Variants in PDZD2 observed in about 807,000 individuals in gnomAD.
PDZD2 encodes the protein PDZ domain-containing protein 2.
PDZD2 carries 90 observed loss-of-function variants against 220.7 expected under a neutral mutation model. That is an observed-to-expected ratio of 0.41 (90% CI 0.34 to 0.49). PDZD2 has a LOEUF of 0.49. Ranked by LOEUF, PDZD2 falls within the 20% of genes least tolerant of loss-of-function variation. PDZD2 has a pLI of 0.28. For synonymous variants in PDZD2, 1,375 were observed against 1,450.5 expected, an observed-to-expected ratio of 0.95 and a Z score of 1.18; for missense variants, 3,174 against 3,608.5, an observed-to-expected ratio of 0.88 and a Z score of 3.08.
At chr5:31,831,059 T>C (rs1756554569) in intron 2 of PDZD2, among the ~76,000 whole-genome samples, 1 of 152,248 alleles carries the variant, frequency 6.6e-6, no homozygotes. Context: ...CAGAGATCAT[T>C]ACCTGGTAGA....
chr5:32,000,701 G>C lies in PDZD2; in HGVS notation c.1254+430G>C, dbSNP rs1752038110. Among the ~76,000 whole-genome samples, 2 of 152,050 alleles carry C rather than the reference G, an allele frequency of 1.3e-5. No homozygotes were observed. Among genetic ancestry groups the C allele is most frequent in the African/African-American group, 4.8e-5 (2 of 41,402 alleles). On this transcript the variant is annotated intron_variant, in intron 5 of 24. Coordinates refer to ENST00000438447, the MANE Select transcript of PDZD2 (RefSeq NM_178140.4). This position sits in a 1 kb window ranked among gnomAD's most constrained non-coding sequence, Gnocchi z 4.5. ...AATTTTGTATTTTTTATAGAGATGG[G>C]GTTTCTCCATGTTGGTCAGGCTGGT...
At chr5:32,011,658 C>T in intron 6 of PDZD2, among the ~76,000 whole-genome samples, 1 of 152,156 alleles carries the variant, frequency 6.6e-6, no homozygotes, top group Non-Finnish European at 1.5e-5. Flanking sequence ...GCCCCTTCCT[C>T]CTTCCCACTC....
intron 21 of PDZD2, among the ~76,000 whole-genome samples, chr5:32,096,467 G>A (rs147804491): frequency 0.022 from 3,359 of 152,166 alleles, 135 homozygotes; most frequent in African/African-American, 0.077. Flanking sequence ...ACAGGTGTCC[G>A]CCACCACGCC....
intron 2 of PDZD2, among the ~76,000 whole-genome samples, chr5:31,833,665 A>G (rs1322126459): frequency 1.3e-5 from 2 of 151,206 alleles, no homozygotes; most frequent in African/African-American, 4.9e-5. Context: ...AGAAAAGAAA[A>G]AAGAAACAAA....
At chr5:31,721,801 T>G (rs1281260393) in intron 1 of PDZD2, among the ~76,000 whole-genome samples, 2 of 151,908 alleles carry the variant, frequency 1.3e-5, no homozygotes, top group East Asian at 3.9e-4. Flanking sequence ...AAATATTTAT[T>G]AATAATGAGG....
intron 19 of PDZD2, among the ~76,000 whole-genome samples, chr5:32,085,688 C>T (rs944723384): frequency 2.0e-5 from 3 of 151,610 alleles, no homozygotes; most frequent in Non-Finnish European, 4.4e-5. Flanking sequence ...CTCAGGTGAT[C>T]CACCCGCCTT....
chr5:31,903,945 A>G (rs1334780278), intron 2 of PDZD2, among the ~76,000 whole-genome samples: 1 of 151,734 alleles, frequency 6.6e-6, no homozygotes, highest in East Asian at 1.9e-4. Context: ...GCTGGTCTCT[A>G]ACTCCTGACC....
Position 32,089,577 on chromosome 5 carries a change from C to T in PDZD2, c.6129C>T (p.Asn2043=), listed in dbSNP as rs140879154. ...SGPVSPAASR[N]GMSVAGNRQS... is the part of the protein sequence containing the mutation. The stretch of plus-strand genomic sequence containing the variant: ...CGGTGAGTCCGGCAGCGTCTAGGAA[C>T]GGCATGTCCGTGGCAGGGAACAGAC... Residue 2043 remains asparagine (N), a synonymous_variant, in exon 20 of 25, where the codon AAC becomes AAT. Coordinates refer to ENST00000438447, the MANE Select transcript of PDZD2 (RefSeq NM_178140.4). The T allele has an allele frequency of 2.6e-5, 42 of 1,612,326 alleles. No individual in the cohort carries two copies. Among genetic ancestry groups the T allele is most frequent in the African/African-American group, 1.9e-4 (14 of 74,938 alleles).
chr5:31,898,123 C>T (rs944357359), intron 2 of PDZD2, among the ~76,000 whole-genome samples: 1 of 152,190 alleles, frequency 6.6e-6, no homozygotes, highest in Non-Finnish European at 1.5e-5. Flanking sequence ...ATATTACAGG[C>T]ATTTTGTTTA....
At chr5:31,678,777 T>C (rs1746542647) in intron 1 of PDZD2, among the ~76,000 whole-genome samples, 1 of 152,062 alleles carries the variant, frequency 6.6e-6, no homozygotes, top group African/African-American at 2.4e-5. Context: ...TGGCTAATTT[T>C]TGTATTTTTT....
intron 2 of PDZD2, among the ~76,000 whole-genome samples, chr5:31,924,348 C>T (rs544411019): frequency 6.6e-6 from 1 of 152,308 alleles, no homozygotes; most frequent in South Asian, 2.1e-4. Context: ...TCTCCAGGTA[C>T]AGCTACTGTG....
At chr5:31,890,842 C>A (rs747679442) in intron 2 of PDZD2, among the ~76,000 whole-genome samples, 6 of 152,148 alleles carry the variant, frequency 3.9e-5, no homozygotes, top group Non-Finnish European at 8.8e-5. Context: ...TTGCATGGCC[C>A]TGTCTGTGGC....
chr5:31,752,088 T>TTTTTTTTTTTTTTTTTTTTTTA (rs1561431820), intron 1 of PDZD2, among the ~76,000 whole-genome samples: 1 of 141,022 alleles, frequency 7.1e-6, no homozygotes, highest in South Asian at 2.3e-4. Flanking sequence ...TTTTTTTTTT[T>TTTTTTTTTTTTTTTTTTTTTTA]TTCTGAGACA....
At chr5:31,930,947 G>A (rs1182548204) in intron 2 of PDZD2, among the ~76,000 whole-genome samples, 1 of 47,870 alleles carries the variant, frequency 2.1e-5, no homozygotes, top group African/African-American at 1.1e-4. Flanking sequence ...ACTCAGTTGT[G>A]CTTCAGTGAC....
At chr5:31,708,887 T>G (rs531093413) in intron 1 of PDZD2, among the ~76,000 whole-genome samples, 48 of 151,710 alleles carry the variant, frequency 3.2e-4, no homozygotes, top group East Asian at 7.8e-4. Flanking sequence ...TTTTGTTTTT[T>G]TTTTTTTTTT....
chr5:31,860,029 T>C (rs935672847), intron 2 of PDZD2, among the ~76,000 whole-genome samples: 1 of 152,090 alleles, frequency 6.6e-6, no homozygotes, highest in Non-Finnish European at 1.5e-5. Context: ...TAGTGGAAAG[T>C]CTTTGTTCTC....
In PDZD2 at chr5:32,089,884, T is replaced by G; in HGVS notation, c.6436T>G (p.Ser2146Ala). 6.2e-7 allele frequency: 1 copy of G among 1,613,088 alleles called. No homozygotes were observed. The highest frequency in any genetic ancestry group is 1.1e-5 in the South Asian group (1 of 91,006). ...VAESSTSHPS[S>A]LPSHASQAEQ... ...AGAATCATCCACAAGTCATCCATCC[T>G]CACTCCCATCTCATGCCTCCCAGGC... is the stretch of plus-strand genomic sequence containing the variant. The change falls in exon 20 of 25, where the codon TCA becomes GCA. Residue 2146 changes from serine (S) to alanine (A), a missense_variant. Ser to Ala is a moderately conservative substitution (Grantham distance 99). Coordinates refer to ENST00000438447, the MANE Select transcript of PDZD2 (RefSeq NM_178140.4).
intron 14 of PDZD2, among the ~76,000 whole-genome samples, chr5:32,065,417 C>G (rs1740124453): frequency 1.3e-5 from 2 of 152,198 alleles, no homozygotes; most frequent in African/African-American, 4.8e-5. Flanking sequence ...GCTTGATGGA[C>G]TGGTACACCA....
chr5:32,052,738 CTT>C lies in PDZD2; in HGVS notation c.1785+11_1785+12del, dbSNP rs1561457601. On this transcript the variant is annotated intron_variant, in intron 9 of 24. Coordinates refer to ENST00000438447, the MANE Select transcript of PDZD2 (RefSeq NM_178140.4). ...TACAAAGAAAAAGGCAAGGTGAGCT[CTT>C]TTCTGCAGACTGTTCTGCCTTCTGG... 1 of 1,613,502 alleles carries C rather than the reference CTT, an allele frequency of 6.2e-7. No homozygotes were observed. Among genetic ancestry groups the C allele is most frequent in the South Asian group, 1.1e-5 (1 of 91,076 alleles).
Sources: gnomAD v4.1 joint callset for allele counts (sites outside exome capture counted in the v4.1 genomes callset) on GRCh38, gnomAD v4.1.1 for gene constraint, Gnocchi (gnomAD v3.1) non-coding constraint, MANE v1.5 for transcripts, NCBI Gene and HGNC (gene_info 2026-07-23, HGNC 2026-07-21) for gene names.